Variants in UBR7 observed in about 807,000 individuals in gnomAD.
UBR7 encodes the protein putative E3 ubiquitin-protein ligase UBR7.
A neutral mutation model predicts 57.0 loss-of-function variants in UBR7; 22 were observed. The observed-to-expected ratio is 0.39, with a 90% CI of 0.28 to 0.55. UBR7 has a LOEUF of 0.55. UBR7 is among the 20% of genes least tolerant of loss of function. The pLI is 0.69. For synonymous variants in UBR7, 167 were observed against 179.8 expected, an observed-to-expected ratio of 0.93 and a Z score of 0.57; for missense variants, 395 against 513.2, an observed-to-expected ratio of 0.77 and a Z score of 2.23.
chr14:93,210,185 G>C (rs1038470370), intron 2 of UBR7, among the ~76,000 whole-genome samples: 1 of 151,942 alleles, frequency 6.6e-6, no homozygotes, highest in Non-Finnish European at 1.5e-5. Context: ...CCGGGTTCAC[G>C]CCATTCTCCT....
Position 93,218,507 on chromosome 14 carries a change from CT to C in UBR7, c.602-15del. The stretch of plus-strand genomic sequence containing the variant: ...AGTGGATATGTGTGTATGTGTTTTT[CT>C]TTTTCTTTGAACTCACAGTAACCAA... On this transcript the variant is annotated intron_variant, in intron 6 of 10. Transcript: ENST00000013070. The C allele has an allele frequency of 3.1e-6, 5 of 1,611,336 alleles. No individual in the cohort carries two copies. Among genetic ancestry groups the C allele is most frequent in the Non-Finnish European group, 4.2e-6 (5 of 1,177,762 alleles).
intron 9 of UBR7, among the ~76,000 whole-genome samples, chr14:93,220,746 G>A (rs1219034539): frequency 6.6e-6 from 1 of 152,040 alleles, no homozygotes; most frequent in Admixed American, 6.6e-5. Context: ...GACAGTTCTT[G>A]AGGTTGCTTC....
At chr14:93,210,091 T>TTATTTATTTATTTATG in intron 2 of UBR7, 134 bp downstream of exon 2, 1 of 621,840 alleles carries the variant, frequency 1.6e-6, no homozygotes, top group Non-Finnish European at 2.4e-6. Context: ...ATTTATTTAT[T>TTATTTATTTATTTATG]TATTTATTTT....
chr14:93,211,805 TCTC>T (rs1566820553), intron 3 of UBR7, among the ~76,000 whole-genome samples: 1 of 151,824 alleles, frequency 6.6e-6, no homozygotes, highest in Non-Finnish European at 1.5e-5. Context: ...GTATTTAATT[TCTC>T]CTAATTACCA....
At chr14:93,210,015 C>T (rs1224893116) in intron 2 of UBR7, 58 bp downstream of exon 2, 27 of 1,585,660 alleles carry the variant, frequency 1.7e-5, no homozygotes, top group African/African-American at 1.6e-4. Flanking sequence ...TCTTTCCCAT[C>T]TACACTTTTT....
chr14:93,213,992 T>A (rs765694717), intron 4 of UBR7, among the ~76,000 whole-genome samples: 3 of 152,076 alleles, frequency 2.0e-5, no homozygotes, highest in African/African-American at 4.8e-5. Flanking sequence ...AGTAGTGCGA[T>A]CTCAGCTCAC....
chr14:93,224,588 A>G (rs1361380495), intron 10 of UBR7, among the ~76,000 whole-genome samples: 7 of 151,996 alleles, frequency 4.6e-5, no homozygotes, highest in Admixed American at 2.0e-4. Flanking sequence ...CGTGTTAGCC[A>G]GGATGGTCTC....
In UBR7 at chr14:93,207,339, C is replaced by T. The variant is rs1253132318; in HGVS notation, c.48C>T (p.Pro16=). 5.8e-6 allele frequency: 9 copies of T among 1,557,934 alleles called. No individual in the cohort carries two copies. In the Admixed American group the frequency reaches 9.6e-5, roughly 17 times the overall value. Residue 16 remains proline (P), a synonymous_variant, in exon 1 of 11, where the codon CCC becomes CCT. Transcript: ENST00000013070. ...GAAGRQSELE[P]VVSLVDVLEE... ...CTGGGCGGCAGTCGGAGCTGGAGCC[C>T]GTGGTATCGTTGGTCGACGTCCTTG...
intron 1 of UBR7, among the ~76,000 whole-genome samples, chr14:93,208,753 T>G (rs757684379): frequency 6.6e-6 from 1 of 152,142 alleles, no homozygotes; most frequent in Non-Finnish European, 1.5e-5. Flanking sequence ...CTTATCTATC[T>G]TCCTCCTTCC....
intron 9 of UBR7, 107 bp downstream of exon 9, chr14:93,220,518 T>G: frequency 2.9e-6 from 4 of 1,388,280 alleles, no homozygotes; most frequent in East Asian, 2.5e-5. Flanking sequence ...AGAATTAAAA[T>G]TTTGAATTTT....
intron 6 of UBR7, among the ~76,000 whole-genome samples, chr14:93,215,848 G>C (rs1451387966): frequency 6.6e-6 from 1 of 152,176 alleles, no homozygotes; most frequent in East Asian, 1.9e-4. Flanking sequence ...TTTTGAATGG[G>C]ATTTTGAAAG....
chr14:93,224,339 A>G (rs1024558179), intron 10 of UBR7, among the ~76,000 whole-genome samples: 1 of 147,498 alleles, frequency 6.8e-6, no homozygotes, highest in Non-Finnish European at 1.5e-5. Context: ...CTTCTTCACT[A>G]TCACTGAGAA....
intron 6 of UBR7, among the ~76,000 whole-genome samples, chr14:93,217,329 A>C (rs1162612126): frequency 1.3e-5 from 2 of 152,072 alleles, no homozygotes; most frequent in Non-Finnish European, 2.9e-5. Context: ...ACCCAGCTTA[A>C]TTGGGTTTTT....
chr14:93,208,022 C>T (rs558144278), intron 1 of UBR7, among the ~76,000 whole-genome samples: 1 of 152,222 alleles, frequency 6.6e-6, no homozygotes, highest in Admixed American at 6.5e-5. Flanking sequence ...CCCCCCTCCC[C>T]TGGAAATAGA....
At chr14:93,212,629 G>C (rs1412473243) in intron 4 of UBR7, among the ~76,000 whole-genome samples, 3 of 152,158 alleles carry the variant, frequency 2.0e-5, no homozygotes, top group Non-Finnish European at 2.9e-5. Flanking sequence ...AGAAGTGTTT[G>C]AGTGAATGTG....
chr14:93,208,311 A>G (rs1894409535), intron 1 of UBR7, among the ~76,000 whole-genome samples: 1 of 152,158 alleles, frequency 6.6e-6, no homozygotes, highest in Non-Finnish European at 1.5e-5. Context: ...ATTATGTGGT[A>G]TGAACTGAGA....
intron 2 of UBR7, among the ~76,000 whole-genome samples, 160 bp from the exon 3 acceptor site, chr14:93,210,488 A>G (rs1440710279): frequency 2.0e-5 from 3 of 152,212 alleles, no homozygotes; most frequent in Non-Finnish European, 2.9e-5. Context: ...TTTCCCTGCC[A>G]TCATTTTACT....
At chr14:93,210,051 C>T in intron 2 of UBR7, 94 bp downstream of exon 2, 1 of 1,045,002 alleles carries the variant, frequency 9.6e-7, no homozygotes, top group Non-Finnish European at 1.4e-6. Context: ...TCATGCAAAG[C>T]AGTTGAACAC....
chr14:93,221,337 C>T (rs1894703278), intron 9 of UBR7, among the ~76,000 whole-genome samples: 2 of 152,032 alleles, frequency 1.3e-5, no homozygotes, highest in Non-Finnish European at 2.9e-5. Context: ...TGGTTTCGAA[C>T]TTCTGACCTC....
Sources: gnomAD v4.1 joint callset for allele counts (sites outside exome capture counted in the v4.1 genomes callset) on GRCh38, gnomAD v4.1.1 for gene constraint, MANE v1.5 for transcripts, NCBI Gene and HGNC (gene_info 2026-07-23, HGNC 2026-07-21) for gene names.